Variants in PACRG observed in about 807,000 individuals in gnomAD.
The protein encoded by PACRG is parkin coregulated, also known as parkin coregulated gene protein.
In PACRG, 29 loss-of-function variants were observed where a neutral mutation model predicts 29.7. The observed-to-expected ratio is 0.98, with a 90% CI of 0.73 to 1.33. The LOEUF is 1.33. Among genes scored for constraint, PACRG ranks in the 40% most tolerant of loss-of-function variants. The pLI is 0.00. For synonymous variants in PACRG, 116 were observed against 118.7 expected (o/e 0.98, Z 0.15); for missense variants, 279 against 316.2 (o/e 0.88, Z 0.89).
intron 2 of PACRG, among the ~76,000 whole-genome samples, chr6:162,997,023 G>T (rs1026510606): frequency 6.6e-6 from 1 of 152,090 alleles, no homozygotes; most frequent in Non-Finnish European, 1.5e-5. Flanking sequence ...ACATTTTAAT[G>T]ATTCAGTCAT....
chr6:163,269,903 AAAG>A lies in PACRG; in HGVS notation c.614-44921_614-44919del, dbSNP rs1415424114. Among the ~76,000 whole-genome samples the A allele has an allele frequency of 4.3e-3, 336 of 78,018 alleles. 87 individuals carry two copies. Among genetic ancestry groups the A allele is most frequent in the African/African-American group, 0.022 (323 of 14,582 alleles). The allele number at this position is 78,018 out of a possible 152,430, so 51.2% of individuals were successfully genotyped here. A position where few individuals can be genotyped will look rare whatever the true frequency, so the allele number is the denominator to read the frequency against. ...AAAGAAAGAAAGAAAACAAAGAAAG[AAAG>A]AAAGAAAGAAAGAAAGAAAGAAAAC... On this transcript the variant is annotated intron_variant, in intron 4 of 4. Transcript: ENST00000366888.
At chr6:162,761,179 CCT>C (rs1188953048) in intron 1 of PACRG, among the ~76,000 whole-genome samples, 1 of 152,080 alleles carries the variant, frequency 6.6e-6, no homozygotes, top group Non-Finnish European at 1.5e-5. Flanking sequence ...AACTCAGATT[CCT>C]CTGTTTAACC....
intron 1 of PACRG, among the ~76,000 whole-genome samples, chr6:162,780,253 G>C (rs13207363): frequency 0.18 from 28,019 of 152,038 alleles, 2,967 homozygotes; most frequent in South Asian, 0.32. Context: ...GTTCTAAAAA[G>C]GATCCTCCCA....
At chr6:162,749,716 C>T (rs140360769) in intron 1 of PACRG, among the ~76,000 whole-genome samples, 2,626 of 152,104 alleles carry the variant, frequency 0.017, 50 homozygotes, top group Non-Finnish European at 0.026. Context: ...GATGGGGTTT[C>T]GCCATGTTGG....
intron 2 of PACRG, among the ~76,000 whole-genome samples, chr6:162,962,791 T>C (rs1316403931): frequency 1.3e-5 from 2 of 152,204 alleles, no homozygotes; most frequent in African/African-American, 4.8e-5. Context: ...GGTCACATGC[T>C]ACAAATGTGT....
chr6:163,107,436 A>G (rs1220577179), intron 4 of PACRG, among the ~76,000 whole-genome samples: 1 of 152,190 alleles, frequency 6.6e-6, no homozygotes, highest in East Asian at 1.9e-4. Flanking sequence ...TTGGTGGTGG[A>G]TCCCAGTTGA....
chr6:162,863,898 T>C (rs1792077597), intron 2 of PACRG, among the ~76,000 whole-genome samples: 1 of 152,210 alleles, frequency 6.6e-6, no homozygotes, highest in South Asian at 2.1e-4. Flanking sequence ...TTTCTTTATA[T>C]TTTTACTCTA....
chr6:163,256,589 G>A (rs1293448133), intron 4 of PACRG, among the ~76,000 whole-genome samples: 1 of 152,210 alleles, frequency 6.6e-6, no homozygotes, highest in African/African-American at 2.4e-5. Context: ...GGATCCGTGA[G>A]GAAAACGTTC....
intron 2 of PACRG, among the ~76,000 whole-genome samples, chr6:162,829,917 C>T (rs1439073931): frequency 6.6e-6 from 1 of 152,058 alleles, no homozygotes; most frequent in Non-Finnish European, 1.5e-5. Context: ...TCTTGCAATG[C>T]CTTCTCATTA....
At chr6:163,283,807 C>CAAA (rs11342579) in intron 4 of PACRG, among the ~76,000 whole-genome samples, 1 of 100,290 alleles carries the variant, frequency 1.0e-5, no homozygotes, top group Admixed American at 1.1e-4. Flanking sequence ...GACTCCGTCT[C>CAAA]AAAAAAAAAA....
intron 4 of PACRG, among the ~76,000 whole-genome samples, chr6:163,118,097 G>T (rs1316933573): frequency 6.6e-6 from 1 of 152,188 alleles, no homozygotes; most frequent in Admixed American, 6.5e-5. Flanking sequence ...CTGTGCATTA[G>T]GGGAGAAACC....
intron 2 of PACRG, among the ~76,000 whole-genome samples, chr6:162,921,415 C>T (rs1797054979): frequency 6.6e-6 from 1 of 152,152 alleles, no homozygotes; most frequent in South Asian, 2.1e-4. Context: ...ATCTTGGTTT[C>T]CTCCGGAGGC....
chr6:162,939,481 G>C (rs1798464320), intron 2 of PACRG, among the ~76,000 whole-genome samples: 1 of 152,152 alleles, frequency 6.6e-6, no homozygotes, highest in Non-Finnish European at 1.5e-5. Context: ...ACCTGATGAG[G>C]ACTCAAAGAT....
At chr6:162,765,346 G>A (rs1156388505) in intron 1 of PACRG, among the ~76,000 whole-genome samples, 3 of 152,196 alleles carry the variant, frequency 2.0e-5, no homozygotes, top group African/African-American at 7.2e-5. Context: ...ACTCTACTCT[G>A]ACTCAGTACC....
chr6:162,967,576 G>A (rs573243621), intron 2 of PACRG, among the ~76,000 whole-genome samples: 3 of 150,588 alleles, frequency 2.0e-5, no homozygotes, highest in Non-Finnish European at 4.4e-5. Context: ...TTGCGATCTC[G>A]GCTCACTGCA....
Position 162,859,318 on chromosome 6 carries a change from G to A in PACRG, c.291+45037G>A, listed in dbSNP as rs115723763. Among the ~76,000 whole-genome samples the A allele has an allele frequency of 6.4e-3, 982 of 152,272 alleles. 9 individuals carry two copies. Among genetic ancestry groups the A allele is most frequent in the African/African-American group, 0.023 (937 of 41,556 alleles). ...CATCAATCTTCAATTTCTTTTAAAT[G>A]TCTACTAGAATGAAATCTGCCCAAC... is the stretch of plus-strand genomic sequence containing the variant. On this transcript the variant is annotated intron_variant, in intron 2 of 4. Coordinates refer to ENST00000366888, the MANE Select transcript of PACRG (RefSeq NM_001080379.2).
intron 2 of PACRG, among the ~76,000 whole-genome samples, chr6:162,818,113 CA>C (rs903126897): frequency 8.6e-5 from 13 of 151,640 alleles, no homozygotes; most frequent in African/African-American, 1.4e-4. Context: ...AATACTTAAA[CA>C]AAAAAAATGT....
chr6:162,746,125 T>A (rs6926597), intron 1 of PACRG, among the ~76,000 whole-genome samples: 8,411 of 152,182 alleles, frequency 0.055, 731 homozygotes, highest in African/African-American at 0.18. Context: ...ACTTTTGTGG[T>A]TTTTGCTTAG....
At chr6:162,957,304 C>A in intron 2 of PACRG, 1 of 581,890 alleles carries the variant, frequency 1.7e-6, no homozygotes, top group South Asian at 1.7e-5. Flanking sequence ...AAAGAAAGCA[C>A]GCTTGATCCT....
Sources: allele counts gnomAD v4.1 joint callset (sites outside exome capture counted in the v4.1 genomes callset), GRCh38; gene constraint gnomAD v4.1.1; transcripts MANE v1.5; gene names NCBI Gene and HGNC (gene_info 2026-07-23, HGNC 2026-07-21).